NF1: variants seen among roughly 807,000 people sequenced by gnomAD.
NF1 encodes the protein neurofibromin.
A neutral mutation model predicts 325.7 loss-of-function variants in NF1; 122 were observed. The ratio of observed to expected loss-of-function variants is 0.37; its 90% CI spans 0.32 to 0.44. The LOEUF (loss-of-function observed/expected upper bound fraction) is 0.44, where lower values mean the gene tolerates loss of function less well. Among genes scored for constraint, NF1 ranks in the 20% least tolerant of loss-of-function variants. The pLI is 1.00. For synonymous variants in NF1, 1,091 were observed against 1,186.0 expected (o/e 0.92, Z 1.65); for missense variants, 2,140 against 3,415.4 (o/e 0.63, Z 9.31).
At chr17:31,277,401 TA>T in intron 36 of NF1, among the ~76,000 whole-genome samples, 1 of 152,194 alleles carries the variant, frequency 6.6e-6, no homozygotes, top group East Asian at 1.9e-4. Flanking sequence ...GTAAAACCAT[TA>T]GAAAGCATGA....
intron 57 of NF1, among the ~76,000 whole-genome samples, chr17:31,373,040 G>A (rs1216583097): frequency 1.3e-5 from 2 of 152,154 alleles, no homozygotes; most frequent in East Asian, 3.8e-4. Flanking sequence ...ATCATTGTTA[G>A]GCCCAGGTTT....
chr17:31,338,185 G>A (rs1258026452), intron 45 of NF1, 46 bp downstream of exon 45: 3 of 1,324,234 alleles, frequency 2.3e-6, no homozygotes, highest in African/African-American at 2.9e-5. Context: ...TGGTTCTCAA[G>A]TTGTAAAGCA....
At chr17:31,203,165 AGCATGCCTGGAGTGGTGCTTCAT>A (rs2066560256) in intron 11 of NF1, among the ~76,000 whole-genome samples, 1 of 152,174 alleles carries the variant, frequency 6.6e-6, no homozygotes, top group South Asian at 2.1e-4. Context: ...CTGGGTTCCA[AGCATGCCTGGAGTGGTGCTTCAT>A]GCATGCCTCA....
Position 31,336,955 on chromosome 17 carries a change from C to T in NF1, c.6427+41C>T, listed in dbSNP as rs2151555348. 6.3e-7 allele frequency: 1 copy of T among 1,582,258 alleles called. No individual in the cohort carries two copies. The highest frequency in any genetic ancestry group is 8.6e-7 in the Non-Finnish European group (1 of 1,162,510). Reference sequence around the variant, plus strand: ...GGAATTTGTGTTTACCAGTTCCTTTCTCCATTTTACTTCACCTGATCAATA... The same window carrying T: ...GGAATTTGTGTTTACCAGTTCCTTTTTCCATTTTACTTCACCTGATCAATA... On this transcript the variant is annotated intron_variant, in intron 42 of 57. Coordinates refer to ENST00000358273, the MANE Select transcript of NF1 (RefSeq NM_001042492.3). The surrounding 1 kb of genome is among the most constrained non-coding windows in gnomAD (Gnocchi z 5.5).
intron 4 of NF1, 140 bp downstream of exon 4, chr17:31,163,516 C>A: frequency 1.2e-6 from 1 of 826,944 alleles, no homozygotes; most frequent in East Asian, 2.7e-5. Context: ...CTCACAGCAG[C>A]TTTGACCTCC....
At chr17:31,318,292 A>AT in intron 36 of NF1, 1 of 1,589,194 alleles carries the variant, frequency 6.3e-7, no homozygotes, top group Non-Finnish European at 8.5e-7. Context: ...GCTACTTTGC[A>AT]TTTTTCTTCA....
chr17:31,159,220 G>A, intron 3 of NF1, 127 bp downstream of exon 3: 4 of 701,810 alleles, frequency 5.7e-6, no homozygotes, highest in Non-Finnish European at 1.0e-5. Context: ...ATATAAATAT[G>A]AGTTTTGTTA....
chr17:31,170,689 TAATGTA>T (rs2065915333), intron 5 of NF1, among the ~76,000 whole-genome samples: 1 of 152,184 alleles, frequency 6.6e-6, no homozygotes, highest in Non-Finnish European at 1.5e-5. Flanking sequence ...AGTGATGTGT[TAATGTA>T]AATCAGATAC....
rs199474789 is a variant in NF1, at chr17:31,258,401, C to A, written c.4231C>A (p.Leu1411Ile). The A allele has an allele frequency of 6.2e-7, 1 of 1,613,884 alleles. No homozygotes were observed. Among genetic ancestry groups the A allele is most frequent in the Non-Finnish European group, 8.5e-7 (1 of 1,179,892 alleles). Residue 1411 changes from leucine (L) to isoleucine (I), a missense_variant, in exon 32 of 58, where the codon CTC becomes ATC. Leu to Ile is a conservative substitution (Grantham distance 5). This residue lies in a region of NF1 where 336 missense variants were observed against 399.0 expected (regional missense o/e 0.84). Coordinates refer to ENST00000358273, the MANE Select transcript of NF1 (RefSeq NM_001042492.3). ...SIGAVGSAMF[L>I]RFINPAIVSP... ...CGGTGCAGTAGGAAGTGCCATGTTC[C>A]TCAGATTTATCAATCCTGCCATTGT...
Position 31,337,382 on chromosome 17 carries a change from G to T in NF1, c.6442G>T (p.Val2148Phe). The T allele has an allele frequency of 6.2e-7, 1 of 1,613,946 alleles. No individual in the cohort carries two copies. The highest frequency in any genetic ancestry group is 8.5e-7 in the Non-Finnish European group (1 of 1,179,860). The change falls in exon 43 of 58, where the codon GTT (valine) becomes TTT (phenylalanine). Residue 2148 changes from valine to phenylalanine, a missense_variant. Physicochemically the swap from Val to Phe is conservative, Grantham distance 50. This residue lies in a region of NF1 where 180 missense variants were observed against 435.1 expected (regional missense o/e 0.41). Transcript: ENST00000358273. The stretch of plus-strand genomic sequence containing the variant: ...TTCTCTTACAGAAGAGACCAAGCAA[G>T]TTTTGAGACTCAGTCTGACAGAGTT... ...QLHFSEETKQVLRLSLTEFSL... is the reference protein window; with the variant it reads ...QLHFSEETKQFLRLSLTEFSL...
Position 31,163,229 on chromosome 17 carries a change from A to G in NF1, c.332A>G (p.Lys111Arg). 1.2e-6 allele frequency: 2 copies of G among 1,614,218 alleles called. No homozygotes were observed. The highest frequency in any genetic ancestry group is 1.7e-6 in the Non-Finnish European group (2 of 1,180,034). Reference protein sequence around the residue: ...TMRLDETMLVKQLLPEICHFL... With the variant: ...TMRLDETMLVRQLLPEICHFL... ...AGATTAGATGAAACGATGCTGGTCA[A>G]ACAGTTGCTGCCAGAAATCTGCCAT... The change falls in exon 4 of 58, where the codon AAA (lysine) becomes AGA (arginine). Residue 111 changes from lysine to arginine, a missense_variant. Coordinates refer to ENST00000358273, the MANE Select transcript of NF1 (RefSeq NM_001042492.3).
Position 31,337,881 on chromosome 17 carries a change from G to C in NF1, c.6704+1G>C, listed in dbSNP as rs1060500376. On this transcript the variant is annotated splice_donor_variant, in intron 44 of 57. Transcript: ENST00000358273. LOFTEE classifies it high-confidence loss of function. ...ACCAGTGGACAGAACTAGCTCAAAG[G>C]TATGTCCTAAATTAAATATAAGTTG... The C allele has an allele frequency of 1.2e-6, 2 of 1,613,228 alleles. No homozygotes were observed. Among genetic ancestry groups the C allele is most frequent in the East Asian group, 2.2e-5 (1 of 44,860 alleles).
At chr17:31,288,005 A>G (rs978921560) in intron 36 of NF1, among the ~76,000 whole-genome samples, 1 of 151,604 alleles carries the variant, frequency 6.6e-6, no homozygotes, top group African/African-American at 2.4e-5. Context: ...TGGGTGCAGC[A>G]CACCAGCATG....
In NF1 at chr17:31,286,488, A is replaced by G. The variant is rs2151490318; in HGVS notation, c.4835+21149A>G. Among the ~76,000 whole-genome samples, 3 of 152,348 alleles carry G rather than the reference A, an allele frequency of 2.0e-5. No homozygotes were observed. In the East Asian group the frequency reaches 5.8e-4, roughly 29 times the overall value. On this transcript the variant is annotated intron_variant, in intron 36 of 57. Transcript: ENST00000358273. ...TTTTTGTAGAATTTAAAGTCAAGGC[A>G]AGAGACTCATAATACTTTATCCAAG...
chr17:31,253,080 A>G, intron 31 of NF1, 80 bp downstream of exon 31: 7 of 1,116,586 alleles, frequency 6.3e-6, no homozygotes, highest in Non-Finnish European at 9.3e-6. Context: ...GAATATCTTC[A>G]CTTCAGCCTA....
intron 1 of NF1, among the ~76,000 whole-genome samples, chr17:31,109,635 C>T (rs535776150): frequency 5.3e-5 from 8 of 152,226 alleles, no homozygotes; most frequent in East Asian, 1.9e-4. Flanking sequence ...CCTCTTGCCT[C>T]GGCCTCCCAA....
At position 31,163,205 on chromosome 17, in the gene NF1, G is replaced by A. The variant is rs2143670575; in HGVS notation, c.308G>A (p.Arg103Lys). The A allele has an allele frequency of 6.2e-7, 1 of 1,614,126 alleles. No homozygotes were observed. Among genetic ancestry groups the A allele is most frequent in the Non-Finnish European group, 8.5e-7 (1 of 1,180,010 alleles). The change falls in exon 4 of 58, where the codon AGA becomes AAA. Residue 103 changes from arginine to lysine, a missense_variant. Coordinates refer to ENST00000358273, the MANE Select transcript of NF1 (RefSeq NM_001042492.3). ...TTTTAGCAACCAAAGGACACAATGAGATTAGATGAAACGATGCTGGTCAAA... is the reference window on the plus strand; with the variant it reads ...TTTTAGCAACCAAAGGACACAATGAAATTAGATGAAACGATGCTGGTCAAA... ...CLAGQPKDTMRLDETMLVKQL... is the reference protein window; with the variant it reads ...CLAGQPKDTMKLDETMLVKQL...
chr17:31,233,756 G>C (rs1333932631), intron 27 of NF1, among the ~76,000 whole-genome samples: 1 of 152,128 alleles, frequency 6.6e-6, no homozygotes, highest in Non-Finnish European at 1.5e-5. Flanking sequence ...CGTTGAGACG[G>C]GTTGTTGTTC....
In NF1 at chr17:31,236,758, C is replaced by T. The variant is rs867293019; in HGVS notation, c.3974+737C>T. On this transcript the variant is annotated intron_variant, in intron 29 of 57. Coordinates refer to ENST00000358273, the MANE Select transcript of NF1 (RefSeq NM_001042492.3). ...GAGCCACCATGCCCAGCCCAGAGTG[C>T]AGTTTAAACCACCATTTCTGTGAAG... Among the ~76,000 whole-genome samples the T allele has an allele frequency of 2.0e-5, 3 of 151,942 alleles. No individual in the cohort carries two copies. The South Asian group carries it at 6.2e-4, about 32-fold the overall frequency.
Sources: allele counts gnomAD v4.1 joint callset (sites outside exome capture counted in the v4.1 genomes callset), GRCh38; gene constraint gnomAD v4.1.1; regional missense constraint gnomAD v4.1.1; non-coding constraint Gnocchi (gnomAD v3.1); transcripts MANE v1.5; gene names NCBI Gene and HGNC (gene_info 2026-07-23, HGNC 2026-07-21).